RPTOR: variants seen among roughly 807,000 people sequenced by gnomAD.
RPTOR encodes regulatory-associated protein of mTOR.
In RPTOR, 21 loss-of-function variants were observed where a neutral mutation model predicts 169.9. That is an observed-to-expected ratio of 0.12 (90% CI 0.09 to 0.18). The LOEUF is 0.18. Ranked by LOEUF, RPTOR falls within the 10% of genes least tolerant of loss-of-function variation. The pLI is 1.00. For synonymous variants in RPTOR, 732 were observed against 753.2 expected, an observed-to-expected ratio of 0.97 and a Z score of 0.46; for missense variants, 1,133 against 1,855.9, an observed-to-expected ratio of 0.61 and a Z score of 7.16.
chr17:80,729,592 T>C (rs2066371745), intron 4 of RPTOR, among the ~76,000 whole-genome samples: 1 of 152,216 alleles, frequency 6.6e-6, no homozygotes, highest in African/African-American at 2.4e-5. Flanking sequence ...CTGAAATAAA[T>C]TTATACAGCC....
At chr17:80,674,916 A>G (rs1435359045) in intron 3 of RPTOR, among the ~76,000 whole-genome samples, 1 of 152,158 alleles carries the variant, frequency 6.6e-6, no homozygotes, top group Non-Finnish European at 1.5e-5. Context: ...ATACACTAAG[A>G]ATATGGAAAT....
At chr17:80,767,076 G>A (rs572211170) in intron 6 of RPTOR, among the ~76,000 whole-genome samples, 1 of 152,292 alleles carries the variant, frequency 6.6e-6, no homozygotes, top group Non-Finnish European at 1.5e-5. Context: ...TCCTACAGAT[G>A]TTAAAAGAAT....
intron 6 of RPTOR, among the ~76,000 whole-genome samples, chr17:80,789,773 G>A (rs1211472895): frequency 6.6e-6 from 1 of 152,176 alleles, no homozygotes; most frequent in African/African-American, 2.4e-5. Context: ...CATTTTCTAA[G>A]GGTCACGGCC....
Position 80,629,055 on chromosome 17 carries a change from A to G in RPTOR, c.265+3262A>G, listed in dbSNP as rs145867368. 2.7e-3 allele frequency among the ~76,000 whole-genome samples: 375 copies of G among 140,914 alleles called. 1 individual carries two copies. The highest frequency in any genetic ancestry group is 9.6e-3 in the African/African-American group (357 of 37,366). The allele number at this position is 140,914 out of a possible 152,430, so 92.4% of individuals were successfully genotyped here. ...TCTTCTGGGACTCAGCTCTCTATGTATTGTGCTGTTGGACATTGTACCGCA... is the reference window on the plus strand; with the variant it reads ...TCTTCTGGGACTCAGCTCTCTATGTGTTGTGCTGTTGGACATTGTACCGCA... On this transcript the variant is annotated intron_variant, in intron 2 of 33. Transcript: ENST00000306801.
At chr17:80,941,949 C>T (rs180870392) in intron 25 of RPTOR, 39 of 152,406 alleles carry the variant, frequency 2.6e-4, no homozygotes, top group East Asian at 2.3e-3. Flanking sequence ...CTCGCATTAA[C>T]GCAGACGGTG....
intron 13 of RPTOR, among the ~76,000 whole-genome samples, chr17:80,873,631 G>C (rs1368505884): frequency 6.6e-6 from 1 of 152,216 alleles, no homozygotes; most frequent in Non-Finnish European, 1.5e-5. Context: ...AGGCCCAGCA[G>C]GCAGAGGGAG....
In RPTOR at chr17:80,587,788, G is replaced by T. The variant is rs374875115; in HGVS notation, c.163-37903G>T. ...CACATATGTATCTTTTTTTTTTTTG[G>T]TGGTGAGACCATTTGCAATCTCTTT... is the stretch of plus-strand genomic sequence containing the variant. On this transcript the variant is annotated intron_variant, in intron 1 of 33. Coordinates refer to ENST00000306801, the MANE Select transcript of RPTOR (RefSeq NM_020761.3). Among the ~76,000 whole-genome samples, 65 of 148,334 alleles carry T rather than the reference G, an allele frequency of 4.4e-4. 1 individual carries two copies. In the South Asian group the frequency reaches 0.013, roughly 30 times the overall value.
intron 6 of RPTOR, among the ~76,000 whole-genome samples, chr17:80,771,467 G>A (rs1250693864): frequency 6.6e-6 from 1 of 152,140 alleles, no homozygotes; most frequent in Admixed American, 6.5e-5. Flanking sequence ...CTCTCCAGGT[G>A]CAGTTAAGCT....
At chr17:80,719,738 ACT>A (rs1170538607) in intron 4 of RPTOR, among the ~76,000 whole-genome samples, 3 of 152,190 alleles carry the variant, frequency 2.0e-5, no homozygotes, top group African/African-American at 7.2e-5. Flanking sequence ...GGGAAGCGGT[ACT>A]TGTGAACAGA....
At chr17:80,634,721 G>GTGTGTGTGCGTAC (rs754234021) in intron 2 of RPTOR, among the ~76,000 whole-genome samples, 2 of 96,286 alleles carry the variant, frequency 2.1e-5, no homozygotes, top group South Asian at 3.2e-4. Flanking sequence ...TGTGCGTACT[G>GTGTGTGTGCGTAC]TGTGTGTGCG....
chr17:80,554,320 C>A (rs1295323996), intron 1 of RPTOR, among the ~76,000 whole-genome samples: 1 of 152,040 alleles, frequency 6.6e-6, no homozygotes, highest in East Asian at 1.9e-4. Context: ...GTTGTAATAT[C>A]AAATAATAAT....
At chr17:80,859,787 G>A (rs1032993384) in intron 13 of RPTOR, among the ~76,000 whole-genome samples, 2 of 152,218 alleles carry the variant, frequency 1.3e-5, no homozygotes, top group African/African-American at 2.4e-5. Context: ...CCTGTCAGGC[G>A]GCTTTCATAT....
chr17:80,923,965 G>T, intron 23 of RPTOR: 1 of 433,424 alleles, frequency 2.3e-6, no homozygotes, highest in Non-Finnish European at 4.1e-6. Flanking sequence ...CCCTGGTTCT[G>T]GTTTCACCAT....
chr17:80,852,987 C>T (rs377688353), intron 11 of RPTOR, among the ~76,000 whole-genome samples: 20 of 152,210 alleles, frequency 1.3e-4, no homozygotes, highest in Admixed American at 7.2e-4. Flanking sequence ...TCCTTCACCC[C>T]TTCTTCTCTC....
At chr17:80,948,350 C>T (rs2069128315) in intron 27 of RPTOR, among the ~76,000 whole-genome samples, 1 of 152,268 alleles carries the variant, frequency 6.6e-6, no homozygotes, top group African/African-American at 2.4e-5. Context: ...GACCAAGTAG[C>T]ATCAACCGAT....
intron 5 of RPTOR, among the ~76,000 whole-genome samples, chr17:80,742,204 T>C (rs1267638678): frequency 6.6e-6 from 1 of 152,156 alleles, no homozygotes; most frequent in East Asian, 1.9e-4. Context: ...AGCATGTGTT[T>C]GTGCTAATGG....
intron 24 of RPTOR, among the ~76,000 whole-genome samples, chr17:80,926,923 G>A (rs2068817942): frequency 6.6e-6 from 1 of 152,230 alleles, no homozygotes; most frequent in Non-Finnish European, 1.5e-5. Context: ...AACCCCAGGA[G>A]ATCATTGAGG....
intron 7 of RPTOR, among the ~76,000 whole-genome samples, chr17:80,798,603 C>T (rs1265452629): frequency 6.6e-6 from 1 of 152,046 alleles, no homozygotes; most frequent in African/African-American, 2.4e-5. Context: ...ACCACTCCTC[C>T]CATCGCATGT....
At chr17:80,584,637 C>T (rs956246894) in intron 1 of RPTOR, among the ~76,000 whole-genome samples, 17 of 152,204 alleles carry the variant, frequency 1.1e-4, no homozygotes, top group Non-Finnish European at 1.6e-4. Flanking sequence ...CACAACCTTT[C>T]CCCTTTTGAC....
Sources: allele counts gnomAD v4.1 joint callset (sites outside exome capture counted in the v4.1 genomes callset), GRCh38; gene constraint gnomAD v4.1.1; transcripts MANE v1.5; gene names NCBI Gene and HGNC (gene_info 2026-07-23, HGNC 2026-07-21).